The following NFX1 variants were observed in gnomAD, a reference collection of about 807,000 sequenced individuals.
NFX1 encodes transcriptional repressor NF-X1.
Under a neutral mutation model 137.2 loss-of-function variants are expected in NFX1, and 69 were observed. That is an observed-to-expected ratio of 0.50 (90% CI 0.41 to 0.61). The LOEUF (loss-of-function observed/expected upper bound fraction) is 0.61. NFX1 is among the 20% of genes least tolerant of loss of function. The pLI is 0.00. For missense variants in NFX1, 1,167 were observed against 1,391.0 expected (o/e 0.84, Z 2.56); for synonymous variants, 495 against 474.1 (o/e 1.04, Z -0.57).
intron 19 of NFX1, among the ~76,000 whole-genome samples, chr9:33,357,907 G>A (rs1823865056): frequency 6.6e-6 from 1 of 151,974 alleles, no homozygotes; most frequent in South Asian, 2.1e-4. Flanking sequence ...AACCTGCTGG[G>A]ATTTTGATTG....
At chr9:33,337,028 G>A (rs1823031283) in intron 11 of NFX1, among the ~76,000 whole-genome samples, 1 of 152,076 alleles carries the variant, frequency 6.6e-6, no homozygotes, top group Non-Finnish European at 1.5e-5. Flanking sequence ...CTTGAACCCA[G>A]GAGGCGGAGG....
intron 19 of NFX1, among the ~76,000 whole-genome samples, chr9:33,359,893 T>G (rs1823935248): frequency 6.6e-6 from 1 of 152,212 alleles, no homozygotes; most frequent in Non-Finnish European, 1.5e-5. Context: ...GTTAGACAAA[T>G]GCAGACAAAG....
At chr9:33,329,856 G>A (rs1380491517) in intron 10 of NFX1, among the ~76,000 whole-genome samples, 1 of 151,880 alleles carries the variant, frequency 6.6e-6, no homozygotes, top group Non-Finnish European at 1.5e-5. Flanking sequence ...ACGGGATTTT[G>A]CCATGTTGGC....
At chr9:33,354,995 C>A in intron 19 of NFX1, 103 bp downstream of exon 19, 2 of 1,036,550 alleles carry the variant, frequency 1.9e-6, no homozygotes, top group South Asian at 1.5e-5. Flanking sequence ...CACTGCGCTG[C>A]GTCTTTTACC....
intron 16 of NFX1, 72 bp downstream of exon 16, chr9:33,351,862 C>A: frequency 7.7e-7 from 1 of 1,306,696 alleles, no homozygotes. Flanking sequence ...GAACTGTCTA[C>A]AGTGGCCCCT....
chr9:33,306,919 T>G (rs1821774085), intron 4 of NFX1, among the ~76,000 whole-genome samples: 1 of 152,242 alleles, frequency 6.6e-6, no homozygotes, highest in African/African-American at 2.4e-5. Context: ...AATTAAACGT[T>G]TCCATTAGTC....
rs751098880 is a variant in NFX1 at position 33,369,980 on chromosome 9, A to G, written c.*2A>G. The G allele has an allele frequency of 2.5e-6, 4 of 1,608,512 alleles. No homozygotes were observed. Among genetic ancestry groups the G allele is most frequent in the Non-Finnish European group, 3.4e-6 (4 of 1,175,164 alleles). ...GACTATTTTGACGTCCAGGACTAAG[A>G]AGATCATGATGCACTTAGATAAAAG... On this transcript the variant is annotated 3_prime_UTR_variant, in exon 24 of 24. Transcript: ENST00000379540.
chr9:33,369,223 G>A (rs1007593528), intron 23 of NFX1, among the ~76,000 whole-genome samples: 7 of 151,886 alleles, frequency 4.6e-5, no homozygotes, highest in Non-Finnish European at 1.0e-4. Context: ...CTGCCACCAC[G>A]CCCGGCTAAT....
At chr9:33,342,201 T>C (rs1448088386) in intron 12 of NFX1, among the ~76,000 whole-genome samples, 7 of 46,264 alleles carry the variant, frequency 1.5e-4, no homozygotes, top group Non-Finnish European at 3.0e-4. Context: ...GGCTCATGCC[T>C]GTAACCCCCC....
intron 15 of NFX1, among the ~76,000 whole-genome samples, chr9:33,349,701 A>G (rs867405643): frequency 2.0e-4 from 30 of 152,182 alleles, no homozygotes; most frequent in South Asian, 4.2e-4. Flanking sequence ...TGGGGGTTCT[A>G]TCCCCTGTTG....
chr9:33,318,793 G>A lies in NFX1; in HGVS notation c.1651G>A (p.Gly551Arg), dbSNP rs1564116561. Reference sequence around the variant, plus strand: ...TGGAACCGATGTAGGAAAGTCTGATGGATTTGGGGATTTCAGCTGTTTAAA... The same window carrying A: ...TGGAACCGATGTAGGAAAGTCTGATAGATTTGGGGATTTCAGCTGTTTAAA... ...LCGTDVGKSDGFGDFSCLKIC... is the reference protein window; with the variant it reads ...LCGTDVGKSDRFGDFSCLKIC... The change falls in exon 8 of 24, where the codon GGA becomes AGA. Residue 551 changes from glycine (G) to arginine (R), a missense_variant. This residue lies in a region of NFX1 where 488 missense variants were observed against 691.5 expected (regional missense o/e 0.71). Coordinates refer to ENST00000379540, the MANE Select transcript of NFX1 (RefSeq NM_002504.6). 2 of 1,614,188 alleles carry A rather than the reference G, an allele frequency of 1.2e-6. No individual in the cohort carries two copies. The highest frequency in any genetic ancestry group is 8.5e-7 in the Non-Finnish European group (1 of 1,180,040).
rs1263064276 is a variant in NFX1 at position 33,311,253 on chromosome 9, A to G, written c.1448+76A>G. 75 of 1,330,646 alleles carry G rather than the reference A, an allele frequency of 5.6e-5. 1 individual carries two copies. The highest frequency in any genetic ancestry group is 3.7e-4 in the East Asian group (16 of 43,432). The allele number at this position is 1,330,646 out of a possible 1,614,324, so 82.4% of individuals were successfully genotyped here. On this transcript the variant is annotated intron_variant, in intron 6 of 23. Coordinates refer to ENST00000379540, the MANE Select transcript of NFX1 (RefSeq NM_002504.6). ...TTGACTTGTGAATTTCTGAAATAAA[A>G]GAATAGTAGGTAGATACAAATAAAT...
At chr9:33,367,379 C>A in intron 22 of NFX1, 136 bp from the exon 23 acceptor site, 1 of 788,324 alleles carries the variant, frequency 1.3e-6, no homozygotes, top group Admixed American at 2.2e-5. Context: ...GTGGCCATGT[C>A]TGAGAGCAGA....
intron 2 of NFX1, among the ~76,000 whole-genome samples, chr9:33,297,721 C>T (rs947096613): frequency 3.9e-5 from 6 of 152,170 alleles, no homozygotes; most frequent in Non-Finnish European, 7.3e-5. Context: ...TAGAGGCCAC[C>T]TGTGTTTCCC....
At chr9:33,307,387 G>A (rs1213259713) in intron 5 of NFX1, 88 bp downstream of exon 5, 1 of 1,129,032 alleles carries the variant, frequency 8.9e-7, no homozygotes, top group East Asian at 2.4e-5. Flanking sequence ...AGCATGTAAT[G>A]GTTTGGGATG....
intron 15 of NFX1, among the ~76,000 whole-genome samples, chr9:33,350,058 CTT>C (rs1823579897): frequency 6.6e-6 from 1 of 152,110 alleles, no homozygotes; most frequent in African/African-American, 2.4e-5. Context: ...AATCCCAACA[CTT>C]TGATAGGCTG....
chr9:33,354,677 T>C (rs1823753887), intron 18 of NFX1, among the ~76,000 whole-genome samples, 174 bp from the exon 19 acceptor site: 1 of 152,080 alleles, frequency 6.6e-6, no homozygotes, highest in South Asian at 2.1e-4. Context: ...TAGGGCAAGG[T>C]TACTAATGGA....
intron 12 of NFX1, among the ~76,000 whole-genome samples, chr9:33,339,388 C>T (rs767752736): frequency 6.6e-6 from 1 of 152,176 alleles, no homozygotes; most frequent in African/African-American, 2.4e-5. Flanking sequence ...GCCATCAGAT[C>T]TCATGAGACT....
intron 9 of NFX1, among the ~76,000 whole-genome samples, chr9:33,319,828 G>T (rs1168261942): frequency 2.6e-5 from 4 of 151,848 alleles, no homozygotes; most frequent in Non-Finnish European, 4.4e-5. Flanking sequence ...AAAATTGTAA[G>T]TACAATAGAA....
Sources: allele counts gnomAD v4.1 joint callset (sites outside exome capture counted in the v4.1 genomes callset), GRCh38; gene constraint gnomAD v4.1.1; regional missense constraint gnomAD v4.1.1; transcripts MANE v1.5; gene names NCBI Gene and HGNC (gene_info 2026-07-23, HGNC 2026-07-21).